ANO4: variants seen among roughly 807,000 people sequenced by gnomAD.
ANO4 encodes anoctamin 4, also known as anoctamin-4.
Under a neutral mutation model 141.9 loss-of-function variants are expected in ANO4, and 69 were observed. The observed-to-expected ratio is 0.49, with a 90% CI of 0.40 to 0.59. The LOEUF (loss-of-function observed/expected upper bound fraction) is 0.59, where lower values mean the gene tolerates loss of function less well. Among genes scored for constraint, ANO4 ranks in the 20% least tolerant of loss-of-function variants. The pLI, the probability that ANO4 is intolerant of heterozygous loss-of-function variation, is 0.00. For missense variants in ANO4, 894 were observed against 1,162.2 expected (o/e 0.77, Z 3.36); for synonymous variants, 350 against 394.3 (o/e 0.89, Z 1.33).
intron 3 of ANO4, among the ~76,000 whole-genome samples, chr12:100,753,911 C>G (rs901462723): frequency 6.6e-6 from 1 of 152,180 alleles, no homozygotes; most frequent in African/African-American, 2.4e-5. Flanking sequence ...CTTCTGTGTT[C>G]CCTGTTTCAA....
At chr12:100,752,371 TACAC>T (rs932616267) in intron 3 of ANO4, among the ~76,000 whole-genome samples, 2 of 152,048 alleles carry the variant, frequency 1.3e-5, no homozygotes, top group African/African-American at 2.4e-5. Context: ...CTCTCCCTCT[TACAC>T]ACACACAAAC....
intron 3 of ANO4, among the ~76,000 whole-genome samples, chr12:100,758,082 A>G (rs1332161614): frequency 2.0e-5 from 3 of 152,222 alleles, no homozygotes; most frequent in Non-Finnish European, 4.4e-5. Context: ...TGGATCAGAG[A>G]CTGGCAATTG....
chr12:100,764,151 C>G (rs1283107932), intron 3 of ANO4, among the ~76,000 whole-genome samples: 1 of 152,200 alleles, frequency 6.6e-6, no homozygotes, highest in East Asian at 1.9e-4. Context: ...TTTTTAAATG[C>G]AATTTCATTA....
intron 3 of ANO4, among the ~76,000 whole-genome samples, chr12:100,781,622 C>G (rs952368979): frequency 3.3e-5 from 5 of 151,944 alleles, no homozygotes; most frequent in African/African-American, 4.8e-5. Flanking sequence ...GTTTTTTGGC[C>G]ACAACATTTA....
intron 2 of ANO4, among the ~76,000 whole-genome samples, chr12:100,904,375 G>A (rs1043905243): frequency 1.2e-4 from 11 of 93,374 alleles, no homozygotes; most frequent in African/African-American, 4.5e-4. Flanking sequence ...TAGTGTTTAG[G>A]GAAAGGATAA....
intron 9 of ANO4, among the ~76,000 whole-genome samples, chr12:101,025,387 G>A (rs1356310776): frequency 1.3e-5 from 2 of 152,166 alleles, no homozygotes; most frequent in Non-Finnish European, 2.9e-5. Flanking sequence ...TTGTTGCTAG[G>A]AGTTGGGAAA....
intron 1 of ANO4, among the ~76,000 whole-genome samples, chr12:100,805,691 A>G (rs1232078449): frequency 2.0e-5 from 3 of 151,978 alleles, no homozygotes; most frequent in African/African-American, 7.3e-5. Context: ...TGCTAGCTCT[A>G]TTCCTAGGTA....
intron 8 of ANO4, among the ~76,000 whole-genome samples, chr12:100,992,709 A>G (rs1457719219): frequency 6.6e-6 from 1 of 152,196 alleles, no homozygotes; most frequent in Non-Finnish European, 1.5e-5. Flanking sequence ...CATAGGCCAT[A>G]TCTGTTTTTG....
chr12:100,819,145 T>C (rs999542291), intron 1 of ANO4, among the ~76,000 whole-genome samples: 1 of 151,698 alleles, frequency 6.6e-6, no homozygotes, highest in Admixed American at 6.6e-5. Flanking sequence ...GGTGTTTAAA[T>C]GATGCAATAG....
At chr12:100,784,913 G>A (rs555301826) in intron 3 of ANO4, among the ~76,000 whole-genome samples, 25 of 139,136 alleles carry the variant, frequency 1.8e-4, no homozygotes, top group Admixed American at 4.7e-4. Context: ...GTGGGGTGTA[G>A]GGAATCCTCT....
rs952530355 is a variant in ANO4 at position 101,068,655 on chromosome 12, G to A, written c.1313-10538G>A. The A allele has an allele frequency of 4.2e-5, 56 of 1,319,694 alleles. No homozygotes were observed. The Middle Eastern group carries it at 1.5e-3, about 34-fold the overall frequency. The allele number at this position is 1,319,694 out of a possible 1,614,324, so 81.7% of individuals were successfully genotyped here. A position where few individuals can be genotyped will look rare whatever the true frequency, so the allele number is the denominator to read the frequency against. On this transcript the variant is annotated intron_variant, in intron 14 of 27. Coordinates refer to ENST00000392977, the MANE Select transcript of ANO4 (RefSeq NM_001286615.2). Reference sequence around the variant, plus strand: ...AGGTAGATGACTTCTTTGAGCAAGAGAATGACTTCCTTATTAACTATTAGA... The same window carrying A: ...AGGTAGATGACTTCTTTGAGCAAGAAAATGACTTCCTTATTAACTATTAGA...
At chr12:101,122,205 T>C (rs2051125497) in intron 26 of ANO4, among the ~76,000 whole-genome samples, 1 of 152,276 alleles carries the variant, frequency 6.6e-6, no homozygotes, top group Non-Finnish European at 1.5e-5. Flanking sequence ...AAGTATCTGT[T>C]TGTGTCCTTT....
At chr12:101,121,618 T>G (rs1277761519) in intron 26 of ANO4, among the ~76,000 whole-genome samples, 3 of 152,176 alleles carry the variant, frequency 2.0e-5, no homozygotes, top group Non-Finnish European at 4.4e-5. Context: ...ATTGCTGGGT[T>G]GAATGGTAGT....
chr12:100,932,004 TA>T lies in ANO4; in HGVS notation c.161-7309del, dbSNP rs529760826. ...CGGAGGTGTTCTTTTTTTTTTTTTT[TA>T]AGTGATACTTTGAGGTCAGTATGTA... On this transcript the variant is annotated intron_variant, in intron 3 of 27. Coordinates refer to ENST00000392977, the MANE Select transcript of ANO4 (RefSeq NM_001286615.2). Among the ~76,000 whole-genome samples, 259 of 151,364 alleles carry T rather than the reference TA, an allele frequency of 1.7e-3. 1 individual carries two copies. The highest frequency in any genetic ancestry group is 5.9e-3 in the African/African-American group (244 of 41,140).
intron 9 of ANO4, among the ~76,000 whole-genome samples, chr12:101,029,147 C>T (rs1422733299): frequency 1.3e-5 from 2 of 152,134 alleles, no homozygotes; most frequent in East Asian, 1.9e-4. Context: ...ATTTTGTTAC[C>T]CCCACGCTGG....
At chr12:101,097,351 A>C (rs557296497) in intron 19 of ANO4, among the ~76,000 whole-genome samples, 1 of 152,284 alleles carries the variant, frequency 6.6e-6, no homozygotes, top group South Asian at 2.1e-4. Context: ...CCAGGAGTAA[A>C]ACTTCTGCTT....
rs188242452 is a variant in ANO4 at position 101,038,069 on chromosome 12, A to C, written c.897+919A>C. On this transcript the variant is annotated intron_variant, in intron 10 of 27. Transcript: ENST00000392977. ...TAATTTTAAACACTAAGAGGGTGCA[A>C]AAGATGAGGTAGATTTTTCAGAACT... Among the ~76,000 whole-genome samples, 37 of 152,298 alleles carry C rather than the reference A, an allele frequency of 2.4e-4. 1 individual carries two copies. The highest frequency in any genetic ancestry group is 2.2e-3 in the Admixed American group (34 of 15,292).
At chr12:100,990,951 GTGT>G in intron 8 of ANO4, among the ~76,000 whole-genome samples, 1 of 152,254 alleles carries the variant, frequency 6.6e-6, no homozygotes, top group East Asian at 1.9e-4. Context: ...GGAGGACCTA[GTGT>G]TGTTTGAAAA....
At chr12:101,038,334 T>A (rs534092705) in intron 10 of ANO4, 1 of 146,422 alleles carries the variant, frequency 6.8e-6, no homozygotes, top group African/African-American at 2.5e-5. Flanking sequence ...AACTGCATCC[T>A]CCCTGCTCTC....
Sources: gnomAD v4.1 joint callset for allele counts (sites outside exome capture counted in the v4.1 genomes callset) on GRCh38, gnomAD v4.1.1 for gene constraint, MANE v1.5 for transcripts, NCBI Gene and HGNC (gene_info 2026-07-23, HGNC 2026-07-21) for gene names.